The following ENTREP2 variants were observed in gnomAD, a reference collection of about 807,000 sequenced individuals.
The protein encoded by ENTREP2 is protein ENTREP2.
chr15:29,161,506 G>C, the ENTREP2 span, among the ~76,000 whole-genome samples: 1 of 152,184 alleles, frequency 6.6e-6, no homozygotes, highest in South Asian at 2.1e-4. Flanking sequence ...AACAGTAACA[G>C]ACTAGTTTGT....
chr15:29,141,855 G>A, the ENTREP2 span, among the ~76,000 whole-genome samples: 3 of 152,228 alleles, frequency 2.0e-5, no homozygotes, highest in Admixed American at 6.5e-5. Flanking sequence ...AGCCCGCCCT[G>A]CGGCCCCCTG....
At chr15:29,298,425 GA>G in the ENTREP2 span, among the ~76,000 whole-genome samples, 1 of 151,962 alleles carries the variant, frequency 6.6e-6, no homozygotes, top group South Asian at 2.1e-4. Context: ...AATAAAAAGG[GA>G]AAAACAATTC....
At chr15:29,223,434 C>T in the ENTREP2 span, among the ~76,000 whole-genome samples, 1 of 152,128 alleles carries the variant, frequency 6.6e-6, no homozygotes, top group African/African-American at 2.4e-5. Flanking sequence ...GTGGGGACAC[C>T]TCTTCTGCTG....
chr15:29,423,795 CA>C, the ENTREP2 span, among the ~76,000 whole-genome samples: 2 of 150,444 alleles, frequency 1.3e-5, no homozygotes, highest in East Asian at 2.0e-4. Flanking sequence ...GACTCCGTCT[CA>C]AAAAAAAAAT....
chr15:29,313,957 G>A, the ENTREP2 span, among the ~76,000 whole-genome samples: 1 of 152,168 alleles, frequency 6.6e-6, no homozygotes, highest in African/African-American at 2.4e-5. Context: ...ATCCTCACAG[G>A]TGACCTTGAG....
the ENTREP2 span, among the ~76,000 whole-genome samples, chr15:29,663,580 G>A: frequency 6.6e-6 from 1 of 152,132 alleles, no homozygotes; most frequent in Non-Finnish European, 1.5e-5. Context: ...GGATGAAGCT[G>A]GAAACCATCA....
chr15:29,124,140 G>C, the ENTREP2 span, among the ~76,000 whole-genome samples: 1 of 152,152 alleles, frequency 6.6e-6, no homozygotes, highest in Non-Finnish European at 1.5e-5. Context: ...CTGCTCCACT[G>C]CCTGCCAGGC....
At chr15:29,304,758 T>A in the ENTREP2 span, among the ~76,000 whole-genome samples, 6 of 152,190 alleles carry the variant, frequency 3.9e-5, no homozygotes, top group East Asian at 1.2e-3. Flanking sequence ...CCCCTCTCTT[T>A]CCTCCCCACT....
At chr15:29,541,834 C>G in the ENTREP2 span, among the ~76,000 whole-genome samples, 2 of 152,154 alleles carry the variant, frequency 1.3e-5, no homozygotes, top group African/African-American at 4.8e-5. Context: ...AAGGGAAGGG[C>G]TTTAAGCTGC....
the ENTREP2 span, among the ~76,000 whole-genome samples, chr15:29,270,097 CG>C: frequency 6.7e-6 from 1 of 149,986 alleles, no homozygotes; most frequent in African/African-American, 2.5e-5. Context: ...CATTTGTAAA[CG>C]GAAAGAATTC....
At chr15:29,138,978 A>G in the ENTREP2 span, among the ~76,000 whole-genome samples, 5 of 152,000 alleles carry the variant, frequency 3.3e-5, no homozygotes, top group African/African-American at 1.2e-4. Flanking sequence ...CTGGAAGTCA[A>G]TTCTTAATTC....
At chr15:29,256,913 T>C in the ENTREP2 span, among the ~76,000 whole-genome samples, 1 of 152,080 alleles carries the variant, frequency 6.6e-6, no homozygotes, top group African/African-American at 2.4e-5. Context: ...AATACACACA[T>C]TTTCTTTACT....
At chr15:29,612,667 C>G in the ENTREP2 span, 1 of 153,070 alleles carries the variant, frequency 6.5e-6, no homozygotes, top group Non-Finnish European at 1.5e-5. Context: ...ATGGACCTAC[C>G]AGTACCTGCC....
the ENTREP2 span, among the ~76,000 whole-genome samples, chr15:29,390,712 C>G: frequency 6.6e-6 from 1 of 152,190 alleles, no homozygotes; most frequent in Admixed American, 6.5e-5. Flanking sequence ...AATAAATTAG[C>G]TCTTTAAATC....
At chr15:29,289,639 A>G in the ENTREP2 span, among the ~76,000 whole-genome samples, 1 of 152,080 alleles carries the variant, frequency 6.6e-6, no homozygotes, top group African/African-American at 2.4e-5. Context: ...TGGGGTCAGG[A>G]GTTTGAGACC....
the ENTREP2 span, among the ~76,000 whole-genome samples, chr15:29,389,098 G>C: frequency 1.3e-5 from 2 of 148,308 alleles, no homozygotes; most frequent in Non-Finnish European, 3.0e-5. Flanking sequence ...ATGTACCCTA[G>C]AACTTAAAGT....
At chr15:29,168,735 C>T in the ENTREP2 span, among the ~76,000 whole-genome samples, 1 of 152,174 alleles carries the variant, frequency 6.6e-6, no homozygotes, top group African/African-American at 2.4e-5. Flanking sequence ...ACTCAGGCAC[C>T]ACCAGTAACA....
At chr15:29,418,007 C>G in the ENTREP2 span, among the ~76,000 whole-genome samples, 1 of 152,024 alleles carries the variant, frequency 6.6e-6, no homozygotes, top group African/African-American at 2.4e-5. Context: ...AGAATAGAAG[C>G]CATTTAGAAC....
the ENTREP2 span, among the ~76,000 whole-genome samples, chr15:29,356,547 C>T: frequency 6.6e-6 from 1 of 151,186 alleles, no homozygotes; most frequent in South Asian, 2.1e-4. Context: ...CCTCGTGATC[C>T]GCCCGCCTCG....
Sources: allele counts gnomAD v4.1 joint callset (sites outside exome capture counted in the v4.1 genomes callset), GRCh38; gene constraint gnomAD v4.1.1; transcripts MANE v1.5; gene names NCBI Gene and HGNC (gene_info 2026-07-23, HGNC 2026-07-21).